UST: variants seen among roughly 807,000 people sequenced by gnomAD.
UST encodes the protein uronyl 2-sulfotransferase, also known as chondroitin sulfate 2-O-sulfotransferase.
A neutral mutation model predicts 45.6 loss-of-function variants in UST; 21 were observed. The ratio of observed to expected loss-of-function variants is 0.46; its 90% CI spans 0.33 to 0.66. The LOEUF (loss-of-function observed/expected upper bound fraction) is 0.66, where lower values mean the gene tolerates loss of function less well. Among genes scored for constraint, UST ranks in the 30% least tolerant of loss-of-function variants. The pLI is 0.02. For missense variants in UST, 463 were observed against 512.4 expected (o/e 0.90, Z 0.93); for synonymous variants, 215 against 200.6 (o/e 1.07, Z -0.61).
At chr6:149,037,607 C>T (rs1217517044) in intron 7 of UST, among the ~76,000 whole-genome samples, 1 of 152,202 alleles carries the variant, frequency 6.6e-6, no homozygotes, top group Admixed American at 6.5e-5. Context: ...GTGCCTGCGG[C>T]GGCCTGGCCA....
intron 4 of UST, among the ~76,000 whole-genome samples, chr6:148,963,335 C>A (rs1012168521): frequency 6.6e-6 from 1 of 152,206 alleles, no homozygotes; most frequent in Non-Finnish European, 1.5e-5. Context: ...ACCCTGCAGG[C>A]CCCTCAGGAG....
At position 148,820,852 on chromosome 6, in the gene UST, C is replaced by CAA. The variant is rs1212781868; in HGVS notation, c.248-66119_248-66118dup. On this transcript the variant is annotated intron_variant, in intron 1 of 7. Transcript: ENST00000367463. ...TGGGCAACAGAGCGAGACTCCATCT[C>CAA]AAAAAAAAAAAAAAAATCATTGAGT... Among the ~76,000 whole-genome samples the CAA allele has an allele frequency of 1.2e-3, 79 of 66,710 alleles. 1 individual carries two copies. The highest frequency in any genetic ancestry group is 8.8e-3 in the Middle Eastern group (1 of 114). 43.8% of individuals were successfully genotyped at this position (66,710 alleles called of 152,430 possible).
Position 148,790,583 on chromosome 6 carries a change from C to T in UST, c.247+42906C>T, listed in dbSNP as rs1381120633. Among the ~76,000 whole-genome samples the T allele has an allele frequency of 1.3e-5, 2 of 152,182 alleles. No individual in the cohort carries two copies. The highest frequency in any genetic ancestry group is 2.4e-5 in the African/African-American group (1 of 41,444). On this transcript the variant is annotated intron_variant, in intron 1 of 7. Transcript: ENST00000367463. The surrounding 1 kb of genome is among the most constrained non-coding windows in gnomAD (Gnocchi z 4.2). ...TGTAGCGGATGCTGTGATGTGCCAC[C>T]GTTCAGAGAGGCACTCAGGCTGCCA...
At chr6:148,865,635 G>A (rs547193781) in intron 1 of UST, among the ~76,000 whole-genome samples, 3 of 151,150 alleles carry the variant, frequency 2.0e-5, no homozygotes, top group Non-Finnish European at 2.9e-5. Context: ...ATCCAGGTCC[G>A]GCATTGACCC....
chr6:148,947,165 G>A (rs993585250), intron 3 of UST, among the ~76,000 whole-genome samples: 5 of 152,120 alleles, frequency 3.3e-5, no homozygotes, highest in African/African-American at 9.7e-5. Context: ...ACTTTCTTCT[G>A]TAGACAGTGG....
rs1427790217 is a variant in UST, at chr6:148,787,464, G to GT, written c.247+39794dup. Among the ~76,000 whole-genome samples, 4 of 152,164 alleles carry GT rather than the reference G, an allele frequency of 2.6e-5. 1 individual carries two copies. In the South Asian group the frequency reaches 8.3e-4, roughly 32 times the overall value. ...ATAGGAAATCCTTTCCCCATTGCTT[G>GT]TTTTTTTCAGGTTTGTCTCAGATCA... On this transcript the variant is annotated intron_variant, in intron 1 of 7. Coordinates refer to ENST00000367463, the MANE Select transcript of UST (RefSeq NM_005715.3).
chr6:148,893,230 T>C (rs1178806849), intron 2 of UST, among the ~76,000 whole-genome samples: 2 of 152,230 alleles, frequency 1.3e-5, no homozygotes, highest in African/African-American at 4.8e-5. Context: ...AATGGGTTCA[T>C]TAGAAGGCGG....
In UST at chr6:148,747,607, C is replaced by T; in HGVS notation, c.177C>T (p.Cys59=). 3 of 1,601,946 alleles carry T rather than the reference C, an allele frequency of 1.9e-6. No individual in the cohort carries two copies. Among genetic ancestry groups the T allele is most frequent in the Non-Finnish European group, 2.6e-6 (3 of 1,175,496 alleles). The part of the protein sequence containing the change: ...GFCMATLLVF[C]LGSLLYQLSG... ...GCATGGCCACCCTGCTGGTCTTCTG[C>T]CTGGGCTCCCTCCTCTATCAGCTCA... Residue 59 remains cysteine (C), a synonymous_variant, in exon 1 of 8, where the codon TGC becomes TGT. Coordinates refer to ENST00000367463, the MANE Select transcript of UST (RefSeq NM_005715.3).
intron 1 of UST, among the ~76,000 whole-genome samples, chr6:148,819,794 TC>T (rs1655801120): frequency 6.6e-6 from 1 of 152,214 alleles, no homozygotes; most frequent in South Asian, 2.1e-4. Context: ...CTGCCTGGAA[TC>T]TTTTTGTGTA....
At chr6:148,992,199 C>G (rs9390647) in intron 5 of UST, among the ~76,000 whole-genome samples, 54,082 of 151,990 alleles carry the variant, frequency 0.36, 10,238 homozygotes, top group Non-Finnish European at 0.42. Flanking sequence ...CTTGTGGACC[C>G]CTTAAAGAGT....
intron 1 of UST, among the ~76,000 whole-genome samples, chr6:148,767,060 T>G (rs984894482): frequency 3.3e-5 from 5 of 152,228 alleles, no homozygotes; most frequent in African/African-American, 1.2e-4. Flanking sequence ...GGGCTTGAGA[T>G]TCTGCATTTC....
At chr6:149,046,689 C>T (rs911986245) in intron 7 of UST, among the ~76,000 whole-genome samples, 1 of 152,196 alleles carries the variant, frequency 6.6e-6, no homozygotes, top group Non-Finnish European at 1.5e-5. Context: ...TGCCCGTGCA[C>T]CGATGTACAG....
intron 1 of UST, among the ~76,000 whole-genome samples, chr6:148,792,834 A>T (rs1330045783): frequency 1.3e-5 from 2 of 152,216 alleles, no homozygotes; most frequent in African/African-American, 4.8e-5. Context: ...AAATTAGCAA[A>T]ACTTCCTCCT....
chr6:148,862,815 G>A (rs551190562), intron 1 of UST, among the ~76,000 whole-genome samples: 5 of 152,310 alleles, frequency 3.3e-5, no homozygotes, highest in African/African-American at 1.2e-4. Flanking sequence ...TAAGAATGTT[G>A]AATATTGGCC....
chr6:148,956,428 T>G (rs1343516038), intron 4 of UST, among the ~76,000 whole-genome samples: 7 of 152,152 alleles, frequency 4.6e-5, no homozygotes, highest in Non-Finnish European at 1.0e-4. Flanking sequence ...AAAACCATCA[T>G]ATCTTGTGAG....
chr6:148,957,391 A>C (rs571890255), intron 4 of UST, among the ~76,000 whole-genome samples: 18 of 152,210 alleles, frequency 1.2e-4, no homozygotes, highest in African/African-American at 4.3e-4. Context: ...TTTCTCTGTC[A>C]ATATGCAATT....
At chr6:148,984,690 C>G (rs1330238557) in intron 5 of UST, among the ~76,000 whole-genome samples, 1 of 152,152 alleles carries the variant, frequency 6.6e-6, no homozygotes, top group Non-Finnish European at 1.5e-5. Context: ...GTGCACTACC[C>G]TAGCGAATGG....
intron 3 of UST, 91 bp from the exon 4 acceptor site, chr6:148,953,781 A>C: frequency 1.3e-6 from 1 of 750,412 alleles, no homozygotes. Flanking sequence ...CAAAAAAAAA[A>C]AAAAAAAAAA....
intron 5 of UST, among the ~76,000 whole-genome samples, chr6:148,978,217 C>T (rs1781060705): frequency 6.6e-6 from 1 of 151,990 alleles, no homozygotes; most frequent in African/African-American, 2.4e-5. Context: ...TAACTCTTAT[C>T]CATTTGTTTT....
Sources: allele counts gnomAD v4.1 joint callset (sites outside exome capture counted in the v4.1 genomes callset), GRCh38; gene constraint gnomAD v4.1.1; non-coding constraint Gnocchi (gnomAD v3.1); transcripts MANE v1.5; gene names NCBI Gene and HGNC (gene_info 2026-07-23, HGNC 2026-07-21).